Variants in CLIC5 observed in about 807,000 individuals in gnomAD.
The protein encoded by CLIC5 is CLIC family member 5.
In CLIC5, 20 loss-of-function variants were observed where a neutral mutation model predicts 24.7. The observed-to-expected ratio is 0.81, with a 90% CI of 0.57 to 1.18. The LOEUF is 1.18. Among genes scored for constraint, CLIC5 ranks in the 50% most tolerant of loss-of-function variants. The pLI is 0.00. For missense variants in CLIC5, 341 were observed against 326.1 expected (o/e 1.05, Z -0.35); for synonymous variants, 159 against 135.6 (o/e 1.17, Z -1.20).
intron 5 of CLIC5, among the ~76,000 whole-genome samples, chr6:45,908,997 G>C (rs1388614144): frequency 6.7e-6 from 1 of 149,954 alleles, no homozygotes; most frequent in Admixed American, 6.6e-5. Flanking sequence ...AAGTCTTCTT[G>C]TTGTAGTCAC....
chr6:45,894,370 A>G (rs1762376855), downstream of CLIC5, among the ~76,000 whole-genome samples: 1 of 152,230 alleles, frequency 6.6e-6, no homozygotes, highest in Non-Finnish European at 1.5e-5. Context: ...AATAGACATA[A>G]TGAAGAAGCT....
chr6:46,055,112 C>CT (rs1231398333), intron 1 of CLIC5, among the ~76,000 whole-genome samples: 1 of 152,006 alleles, frequency 6.6e-6, no homozygotes, highest in Non-Finnish European at 1.5e-5. Flanking sequence ...TTCTTTCTTT[C>CT]TTTTTTTGAG....
chr6:46,021,599 C>T (rs913123990), intron 1 of CLIC5, among the ~76,000 whole-genome samples: 6 of 152,084 alleles, frequency 3.9e-5, no homozygotes, highest in South Asian at 4.1e-4. Context: ...TATCACTTAG[C>T]GATAAAAAGA....
chr6:45,888,865 T>A (rs979627176), intron 6 of CLIC5, among the ~76,000 whole-genome samples: 1 of 152,234 alleles, frequency 6.6e-6, no homozygotes, highest in South Asian at 2.1e-4. Flanking sequence ...TAATTTTTTA[T>A]AAGTGGTAGC....
intron 1 of CLIC5, among the ~76,000 whole-genome samples, chr6:46,011,932 C>T (rs904433233): frequency 3.9e-5 from 6 of 152,200 alleles, no homozygotes; most frequent in Non-Finnish European, 5.9e-5. Flanking sequence ...CAGGGACGTG[C>T]AGGTCCAGAA....
At chr6:45,883,841 CAGA>C (rs1003199372) in intron 6 of CLIC5, 2 of 152,092 alleles carry the variant, frequency 1.3e-5, no homozygotes, top group African/African-American at 4.8e-5. Flanking sequence ...GAAACAGAAG[CAGA>C]AGGAGAGCAT....
chr6:45,886,014 G>T (rs1182865638), intron 6 of CLIC5, among the ~76,000 whole-genome samples: 5 of 152,154 alleles, frequency 3.3e-5, no homozygotes, highest in Admixed American at 3.3e-4. Context: ...GATACTAAAG[G>T]GTGGGACCAA....
intron 1 of CLIC5, among the ~76,000 whole-genome samples, chr6:46,074,263 C>T (rs1298869102): frequency 6.6e-6 from 1 of 151,874 alleles, no homozygotes; most frequent in East Asian, 1.9e-4. Flanking sequence ...AGAAATGTTG[C>T]TTATTATTTT....
chr6:45,912,702 A>G (rs760174276), intron 5 of CLIC5: 14 of 1,535,354 alleles, frequency 9.1e-6, no homozygotes, highest in African/African-American at 1.4e-5. Context: ...AGTGTGACTG[A>G]GCTGGAATTA....
rs1223559985 is a variant in CLIC5 at position 45,906,450 on chromosome 6, A to ATATTT, written c.589-3200_589-3196dup. The stretch of plus-strand genomic sequence containing the variant: ...ACTCCCTGGTTAGATGTAGTCCTAG[A>ATATTT]TATTTTATTTTATTTTATTTTTGCA... On this transcript the variant is annotated intron_variant, in intron 5 of 5. Transcript: ENST00000339561. 2.6e-5 allele frequency among the ~76,000 whole-genome samples: 4 copies of ATATTT among 151,976 alleles called. No homozygotes were observed. In the East Asian group the frequency reaches 7.7e-4, roughly 29 times the overall value.
At chr6:46,118,558 T>C in the CLIC5 span, among the ~76,000 whole-genome samples, 1 of 152,210 alleles carries the variant, frequency 6.6e-6, no homozygotes, top group South Asian at 2.1e-4. Flanking sequence ...GTTTTAGTCA[T>C]CCCTTTTTCT....
At chr6:46,058,197 G>A (rs776786052) in intron 1 of CLIC5, among the ~76,000 whole-genome samples, 2 of 152,082 alleles carry the variant, frequency 1.3e-5, no homozygotes, top group Non-Finnish European at 2.9e-5. Flanking sequence ...GCATATAGCA[G>A]ACATGAATTT....
intron 3 of CLIC5, among the ~76,000 whole-genome samples, chr6:45,945,529 A>G (rs1457997794): frequency 6.6e-6 from 1 of 152,144 alleles, no homozygotes; most frequent in African/African-American, 2.4e-5. Context: ...GAGGGCATGT[A>G]TTCCAAAAAC....
At chr6:45,937,513 G>A (rs1419985244) in intron 4 of CLIC5, 1 of 152,188 alleles carries the variant, frequency 6.6e-6, no homozygotes, top group African/African-American at 2.4e-5. Context: ...AGAAGTGCTG[G>A]GATTCAAACC....
At chr6:46,104,887 T>G in the CLIC5 span, among the ~76,000 whole-genome samples, 1 of 152,162 alleles carries the variant, frequency 6.6e-6, no homozygotes, top group East Asian at 1.9e-4. Context: ...GGATTCACAA[T>G]GAAGTCTAGT....
intron 1 of CLIC5, among the ~76,000 whole-genome samples, chr6:46,010,861 C>T (rs1468034975): frequency 6.6e-6 from 1 of 152,174 alleles, no homozygotes; most frequent in African/African-American, 2.4e-5. Context: ...GAAAGAAAAA[C>T]ACAGTAGCTT....
chr6:46,033,138 G>A (rs942369981), intron 1 of CLIC5, among the ~76,000 whole-genome samples: 1 of 151,808 alleles, frequency 6.6e-6, no homozygotes, highest in Non-Finnish European at 1.5e-5. Context: ...ACAGGCATGT[G>A]CCACCACGCC....
chr6:45,955,167 G>T lies in CLIC5; in HGVS notation c.141C>A (p.Val47=), dbSNP rs776328726. 6.2e-7 allele frequency: 1 copy of T among 1,613,756 alleles called. No homozygotes were observed. The highest frequency in any genetic ancestry group is 1.1e-5 in the South Asian group (1 of 91,050). The change falls in exon 2 of 6, where the codon GTC becomes GTA. Residue 47 remains valine, a synonymous_variant. Transcript: ENST00000339561. ...GATCCACAGTGGTGACATTGAACAC[G>T]ACTCCTTTCAGCCAGAGGATCATGA... ...RLFMILWLKG[V]VFNVTTVDLK... is the part of the protein sequence containing the mutation.
At chr6:45,926,256 T>A (rs1267842518) in intron 4 of CLIC5, among the ~76,000 whole-genome samples, 4 of 136,892 alleles carry the variant, frequency 2.9e-5, no homozygotes, top group Admixed American at 7.2e-5. Context: ...TTATTTTTTT[T>A]ATTTTTTTTG....
Sources: allele counts gnomAD v4.1 joint callset (sites outside exome capture counted in the v4.1 genomes callset), GRCh38; gene constraint gnomAD v4.1.1; transcripts MANE v1.5; gene names NCBI Gene and HGNC (gene_info 2026-07-23, HGNC 2026-07-21).